ANO4: variants seen among roughly 807,000 people sequenced by gnomAD.
ANO4 encodes anoctamin-4.
ANO4 carries 69 observed loss-of-function variants against 141.9 expected under a neutral mutation model. The observed-to-expected ratio is 0.49, with a 90% CI of 0.40 to 0.59. ANO4 has a LOEUF of 0.59. Among genes scored for constraint, ANO4 ranks in the 20% least tolerant of loss-of-function variants. ANO4 has a pLI of 0.00. For synonymous variants in ANO4, 350 were observed against 394.3 expected, an observed-to-expected ratio of 0.89 and a Z score of 1.33; for missense variants, 894 against 1,162.2, an observed-to-expected ratio of 0.77 and a Z score of 3.36.
At chr12:100,836,339 TTA>T (rs981615927) in intron 1 of ANO4, among the ~76,000 whole-genome samples, 2 of 152,028 alleles carry the variant, frequency 1.3e-5, no homozygotes, top group African/African-American at 4.8e-5. Context: ...TGAAGTCTTT[TTA>T]TATATATATT....
chr12:101,103,223 A>ATC (rs1432062281), intron 22 of ANO4, among the ~76,000 whole-genome samples: 4 of 112,638 alleles, frequency 3.6e-5, no homozygotes, highest in Non-Finnish European at 7.3e-5. Context: ...ATATATATAT[A>ATC]TATATATCTT....
At chr12:100,946,875 A>G (rs1395586016) in intron 5 of ANO4, among the ~76,000 whole-genome samples, 1 of 152,210 alleles carries the variant, frequency 6.6e-6, no homozygotes, top group Non-Finnish European at 1.5e-5. Context: ...GAAAATCTAG[A>G]GTGTGTGGTT....
intron 1 of ANO4, among the ~76,000 whole-genome samples, chr12:100,820,355 C>A (rs377013762): frequency 3.7e-4 from 52 of 141,160 alleles, no homozygotes; most frequent in South Asian, 6.8e-4. Context: ...GTCGGTTTCT[C>A]AAAAAAAAAA....
intron 25 of ANO4, 43 bp downstream of exon 25, chr12:101,116,841 C>T (rs2050874348): frequency 1.2e-6 from 2 of 1,613,020 alleles, no homozygotes; most frequent in Non-Finnish European, 1.7e-6. Context: ...GCTGGGCTGG[C>T]TCCACCGTGG....
intron 14 of ANO4, among the ~76,000 whole-genome samples, chr12:101,065,814 A>G (rs566329730): frequency 1.3e-5 from 2 of 152,342 alleles, no homozygotes; most frequent in Non-Finnish European, 2.9e-5. Flanking sequence ...TCAAAAAAAG[A>G]AAACTACAGG....
chr12:101,040,143 A>C, intron 11 of ANO4, 67 bp downstream of exon 11: 1 of 1,504,242 alleles, frequency 6.6e-7, no homozygotes, highest in Non-Finnish European at 8.9e-7. Flanking sequence ...GTCAGCTGGG[A>C]CAAGCTCCCA....
At chr12:100,903,002 A>AT (rs1246820757) in intron 2 of ANO4, among the ~76,000 whole-genome samples, 1 of 152,144 alleles carries the variant, frequency 6.6e-6, no homozygotes, top group Non-Finnish European at 1.5e-5. Context: ...CATTCTGATC[A>AT]TTTAACACTG....
chr12:100,786,552 G>GT (rs111357913), intron 3 of ANO4, among the ~76,000 whole-genome samples: 2 of 152,068 alleles, frequency 1.3e-5, no homozygotes, highest in South Asian at 2.1e-4. Flanking sequence ...GGAAGACAGG[G>GT]TTTTTTTCCC....
In ANO4 at chr12:100,855,384, G is replaced by C. The variant is rs978069498; in HGVS notation, c.-140-46262G>C. On this transcript the variant is annotated intron_variant, in intron 1 of 27. Transcript: ENST00000392977. ...CCATAATCCCATATTGAGTCAAAAT[G>C]ATCTATTTTTATTCTCTAGATATCC... 1.4e-4 allele frequency among the ~76,000 whole-genome samples: 22 copies of C among 152,028 alleles called. 1 individual carries two copies. The East Asian group carries it at 1.5e-3, about 11-fold the overall frequency.
chr12:100,920,863 G>T (rs1370819394), intron 2 of ANO4, among the ~76,000 whole-genome samples: 1 of 152,048 alleles, frequency 6.6e-6, no homozygotes, highest in East Asian at 1.9e-4. Context: ...AATACCTGTA[G>T]CTGCTATTTA....
intron 3 of ANO4, among the ~76,000 whole-genome samples, chr12:100,763,655 G>C (rs1264901512): frequency 2.0e-5 from 3 of 152,148 alleles, no homozygotes; most frequent in African/African-American, 7.2e-5. Context: ...GCTGGTGTCT[G>C]GTATACTGCT....
chr12:100,929,931 T>A (rs1314393683), intron 3 of ANO4, among the ~76,000 whole-genome samples: 1 of 152,176 alleles, frequency 6.6e-6, no homozygotes, highest in African/African-American at 2.4e-5. Context: ...TGATGATCAG[T>A]GGTGTTGAGC....
At chr12:101,025,684 A>G (rs2046705330) in intron 9 of ANO4, among the ~76,000 whole-genome samples, 1 of 152,340 alleles carries the variant, frequency 6.6e-6, no homozygotes, top group South Asian at 2.1e-4. Context: ...ACATAAAGAA[A>G]ATTTAGCAAA....
At chr12:101,108,972 G>T (rs2050555356) in intron 22 of ANO4, among the ~76,000 whole-genome samples, 1 of 152,098 alleles carries the variant, frequency 6.6e-6, no homozygotes, top group Non-Finnish European at 1.5e-5. Context: ...ATACTTCCAA[G>T]ATCCAGCATT....
intron 7 of ANO4, among the ~76,000 whole-genome samples, chr12:100,975,297 G>T (rs995367822): frequency 6.6e-6 from 1 of 151,782 alleles, no homozygotes; most frequent in Admixed American, 6.6e-5. Context: ...CAATGTGCAG[G>T]CTTTCATCCC....
At chr12:100,809,783 G>A (rs11110533) in intron 1 of ANO4, among the ~76,000 whole-genome samples, 65,087 of 152,044 alleles carry the variant, frequency 0.43, 14,172 homozygotes, top group Middle Eastern at 0.54. Context: ...CATAACTCTG[G>A]TAGCCATATG....
chr12:100,759,518 G>C (rs1329976851), intron 3 of ANO4, among the ~76,000 whole-genome samples: 1 of 152,122 alleles, frequency 6.6e-6, no homozygotes, highest in East Asian at 1.9e-4. Context: ...AGGGTTATGT[G>C]GTCAGTGTGA....
intron 3 of ANO4, among the ~76,000 whole-genome samples, chr12:100,780,448 C>G (rs926203797): frequency 3.3e-5 from 5 of 152,142 alleles, no homozygotes; most frequent in Admixed American, 2.6e-4. Context: ...TAATCATATG[C>G]TAATTAAGGG....
chr12:100,967,570 GACACAC>G (rs3059289), intron 5 of ANO4, among the ~76,000 whole-genome samples: 24,455 of 149,090 alleles, frequency 0.16, 2,036 homozygotes, highest in East Asian at 0.23. Context: ...ATGTAAAGAG[GACACAC>G]ACACACACAC....
Sources: gnomAD v4.1 joint callset for allele counts (sites outside exome capture counted in the v4.1 genomes callset) on GRCh38, gnomAD v4.1.1 for gene constraint, MANE v1.5 for transcripts, NCBI Gene and HGNC (gene_info 2026-07-23, HGNC 2026-07-21) for gene names.